The following KIF26B variants were observed in gnomAD, a reference collection of about 807,000 sequenced individuals.
KIF26B encodes the protein kinesin-like protein KIF26B.
KIF26B carries 63 observed loss-of-function variants against 151.2 expected under a neutral mutation model. That is an observed-to-expected ratio of 0.42 (90% CI 0.34 to 0.51). The LOEUF (loss-of-function observed/expected upper bound fraction) is 0.51, where lower values mean the gene tolerates loss of function less well. Ranked by LOEUF, KIF26B falls within the 20% of genes least tolerant of loss-of-function variation. KIF26B has a pLI of 0.07. For missense variants in KIF26B, 2,813 were observed against 2,913.6 expected, an observed-to-expected ratio of 0.97 and a Z score of 0.79; for synonymous variants, 1,357 against 1,262.1, an observed-to-expected ratio of 1.08 and a Z score of -1.59.
chr1:245,184,050 G>GTTGTTTTTTTTTTTTTTTTTTT (rs1553332271), intron 2 of KIF26B, among the ~76,000 whole-genome samples: 24 of 19,808 alleles, frequency 1.2e-3, no homozygotes, highest in African/African-American at 2.6e-3. Flanking sequence ...GGGAGTTGTT[G>GTTGTTTTTTTTTTTTTTTTTTT]TTTTTTTTTT....
chr1:245,508,564 G>T (rs1660770962), intron 4 of KIF26B, among the ~76,000 whole-genome samples: 1 of 152,016 alleles, frequency 6.6e-6, no homozygotes, highest in South Asian at 2.1e-4. Flanking sequence ...CCAAGTAGAT[G>T]GGTGATTTTG....
At chr1:245,506,972 G>C (rs958652953) in intron 4 of KIF26B, among the ~76,000 whole-genome samples, 9 of 152,212 alleles carry the variant, frequency 5.9e-5, no homozygotes, top group Non-Finnish European at 1.2e-4. Context: ...GAGCCACGGT[G>C]CCCAGCCTGA....
chr1:245,377,852 CGA>C (rs1318552135), intron 3 of KIF26B, among the ~76,000 whole-genome samples: 2 of 152,058 alleles, frequency 1.3e-5, no homozygotes, highest in Non-Finnish European at 2.9e-5. Context: ...CGGGCCAAGT[CGA>C]GAGAGGGAGG....
intron 2 of KIF26B, among the ~76,000 whole-genome samples, chr1:245,291,010 G>T (rs1465310730): frequency 6.6e-6 from 1 of 152,184 alleles, no homozygotes; most frequent in Admixed American, 6.5e-5. Context: ...TCAGCTGGGG[G>T]TGTTGTCTCT....
intron 10 of KIF26B, among the ~76,000 whole-genome samples, chr1:245,659,252 G>A (rs2044107359): frequency 6.6e-6 from 1 of 151,930 alleles, no homozygotes; most frequent in African/African-American, 2.4e-5. Flanking sequence ...AAATAATAAT[G>A]ATGGAATCTT....
rs55882901 is a variant in KIF26B, at chr1:245,601,596, C to A, written c.1351-981C>A. On this transcript the variant is annotated intron_variant, in intron 5 of 14. Coordinates refer to ENST00000407071, the MANE Select transcript of KIF26B (RefSeq NM_018012.4). This position sits in a 1 kb window ranked among gnomAD's most constrained non-coding sequence, Gnocchi z 4.4. ...TAAAATTACCTGTATCTGTGTCTAT[C>A]CTGCTACTCTATGCATTACATATCT... Among the ~76,000 whole-genome samples, 6,766 of 152,288 alleles carry A rather than the reference C, an allele frequency of 0.044. 502 individuals are homozygous for A. The highest frequency in any genetic ancestry group is 0.15 in the African/African-American group (6,389 of 41,534).
At chr1:245,555,788 C>A (rs1662007666) in intron 5 of KIF26B, among the ~76,000 whole-genome samples, 1 of 152,116 alleles carries the variant, frequency 6.6e-6, no homozygotes, top group Non-Finnish European at 1.5e-5. Context: ...GGAGGGGAGC[C>A]CTTCACCCAA....
chr1:245,459,897 CTT>C (rs34119454), intron 4 of KIF26B, among the ~76,000 whole-genome samples: 104 of 147,134 alleles, frequency 7.1e-4, no homozygotes, highest in African/African-American at 1.9e-3. Context: ...CCTCATAAAC[CTT>C]TTTTTTTTTT....
chr1:245,184,050 G>GTTTTTTATTTTTTTTTTTTTTTTTTTTTT (rs1553332272), intron 2 of KIF26B, among the ~76,000 whole-genome samples: 2 of 19,806 alleles, frequency 1.0e-4, no homozygotes, highest in Non-Finnish European at 2.0e-4. Flanking sequence ...GGGAGTTGTT[G>GTTTTTTATTTTTTTTTTTTTTTTTTTTTT]TTTTTTTTTT....
intron 5 of KIF26B, among the ~76,000 whole-genome samples, chr1:245,550,505 A>AGCGTC (rs1661854520): frequency 6.6e-6 from 1 of 152,236 alleles, no homozygotes; most frequent in Non-Finnish European, 1.5e-5. Context: ...CCCTAGCAGC[A>AGCGTC]GCGTCGGCAC....
At chr1:245,345,866 C>T (rs1033333917) in intron 2 of KIF26B, among the ~76,000 whole-genome samples, 2 of 151,972 alleles carry the variant, frequency 1.3e-5, no homozygotes, top group African/African-American at 4.8e-5. Flanking sequence ...CCTGTAGAAC[C>T]GTGCGCCAGT....
At chr1:245,288,696 G>A (rs1486067249) in intron 2 of KIF26B, among the ~76,000 whole-genome samples, 3 of 152,098 alleles carry the variant, frequency 2.0e-5, no homozygotes, top group East Asian at 1.9e-4. Flanking sequence ...GTTCCGTTAC[G>A]TTTTGGGGAA....
chr1:245,544,853 T>A (rs1661703222), intron 5 of KIF26B, among the ~76,000 whole-genome samples: 1 of 152,130 alleles, frequency 6.6e-6, no homozygotes, highest in Non-Finnish European at 1.5e-5. Context: ...AGGCGTGCTA[T>A]CCCATCCCTT....
At chr1:245,342,605 G>A (rs1672357598) in intron 2 of KIF26B, among the ~76,000 whole-genome samples, 1 of 152,148 alleles carries the variant, frequency 6.6e-6, no homozygotes, top group East Asian at 1.9e-4. Context: ...GGGGCTGGAG[G>A]CCTGTAAAGG....
At chr1:245,316,240 G>A (rs1671772760) in intron 2 of KIF26B, among the ~76,000 whole-genome samples, 1 of 151,810 alleles carries the variant, frequency 6.6e-6, no homozygotes, top group South Asian at 2.1e-4. Context: ...TCCTGCCTCA[G>A]CCTCCCAAGT....
intron 2 of KIF26B, among the ~76,000 whole-genome samples, chr1:245,311,622 ATAAT>A (rs1191927855): frequency 6.6e-6 from 1 of 152,036 alleles, no homozygotes; most frequent in Non-Finnish European, 1.5e-5. Context: ...TAAAATAAAA[ATAAT>A]AAATAAATAA....
chr1:245,199,464 G>C (rs569516295), intron 2 of KIF26B, among the ~76,000 whole-genome samples: 1 of 151,198 alleles, frequency 6.6e-6, no homozygotes, highest in East Asian at 1.9e-4. Flanking sequence ...CATCATACCT[G>C]TTCATATATC....
At chr1:245,580,820 A>G (rs2043168469) in intron 5 of KIF26B, among the ~76,000 whole-genome samples, 1 of 152,086 alleles carries the variant, frequency 6.6e-6, no homozygotes, top group African/African-American at 2.4e-5. Flanking sequence ...CCTGCCTGCC[A>G]CCTCATCTGT....
At chr1:245,541,208 G>T (rs55899314) in intron 5 of KIF26B, among the ~76,000 whole-genome samples, 2 of 152,028 alleles carry the variant, frequency 1.3e-5, no homozygotes, top group East Asian at 3.9e-4. Flanking sequence ...TGACAGAATC[G>T]TAGCCATTTA....
Sources: allele counts gnomAD v4.1 joint callset (sites outside exome capture counted in the v4.1 genomes callset), GRCh38; gene constraint gnomAD v4.1.1; non-coding constraint Gnocchi (gnomAD v3.1); transcripts MANE v1.5; gene names NCBI Gene and HGNC (gene_info 2026-07-23, HGNC 2026-07-21).